The following PPP2R2B variants were observed in gnomAD, a reference collection of about 807,000 sequenced individuals.
PPP2R2B encodes serine/threonine-protein phosphatase 2A 55 kDa regulatory subunit B beta isoform.
A neutral mutation model predicts 46.0 loss-of-function variants in PPP2R2B; 5 were observed. That is an observed-to-expected ratio of 0.11 (90% CI 0.06 to 0.23). The LOEUF (loss-of-function observed/expected upper bound fraction) is 0.23. Among genes scored for constraint, PPP2R2B ranks in the 10% least tolerant of loss-of-function variants. The pLI is 1.00. For missense variants in PPP2R2B, 367 were observed against 575.0 expected, an observed-to-expected ratio of 0.64 and a Z score of 3.70; for synonymous variants, 215 against 206.7, an observed-to-expected ratio of 1.04 and a Z score of -0.34.
intron 5 of PPP2R2B, among the ~76,000 whole-genome samples, chr5:146,673,113 G>T (rs919029333): frequency 3.3e-5 from 5 of 152,160 alleles, no homozygotes; most frequent in Admixed American, 2.0e-4. Context: ...CTGAGTTATG[G>T]TTTTTTCCTT....
chr5:146,765,444 C>T (rs1018914174), intron 2 of PPP2R2B, among the ~76,000 whole-genome samples: 1 of 152,156 alleles, frequency 6.6e-6, no homozygotes, highest in Non-Finnish European at 1.5e-5. Context: ...GTTAAGCCTG[C>T]ATTTGAAGAA....
Position 146,812,791 on chromosome 5 carries a change from GTGTA to G in PPP2R2B, c.70+65207_70+65210del, listed in dbSNP as rs1276887514. 7.5e-3 allele frequency among the ~76,000 whole-genome samples: 75 copies of G among 9,946 alleles called. 13 individuals carry two copies. Among genetic ancestry groups the G allele is most frequent in the African/African-American group, 0.028 (74 of 2,656 alleles). 6.5% of individuals were successfully genotyped at this position (9,946 alleles called of 152,430 possible). A position where few individuals can be genotyped will look rare whatever the true frequency, so the allele number is the denominator to read the frequency against. ...TTAATGTGTGTGTGTGTGTATATGT[GTGTA>G]TATATATATATATATATATATATAT... On this transcript the variant is annotated intron_variant, in intron 2 of 9. Coordinates refer to ENST00000394411, the MANE Select transcript of PPP2R2B (RefSeq NM_181675.4).
chr5:146,800,417 C>T (rs1238122356), intron 2 of PPP2R2B, among the ~76,000 whole-genome samples: 1 of 152,034 alleles, frequency 6.6e-6, no homozygotes, highest in Non-Finnish European at 1.5e-5. Flanking sequence ...TCCTCAAGAC[C>T]CTTCTTCTTG....
chr5:147,035,052 T>C, intron 1 of PPP2R2B: 2 of 453,332 alleles, frequency 4.4e-6, no homozygotes, highest in African/African-American at 4.0e-5. Context: ...ATCTCTGAAC[T>C]CAGCTCATTT....
Position 146,661,866 on chromosome 5 carries a change from C to T in PPP2R2B, c.448-11142G>A, listed in dbSNP as rs575491173. Among the ~76,000 whole-genome samples the T allele has an allele frequency of 3.3e-3, 506 of 152,186 alleles. 2 individuals carry two copies. The highest frequency in any genetic ancestry group is 4.5e-3 in the Non-Finnish European group (305 of 68,010). ...TCCTGTTATTTCCTTTGATGTTTTA[C>T]ATTGTGTAATGCCACAAGAAAAAAA... On this transcript the variant is annotated intron_variant, in intron 5 of 9. Coordinates refer to ENST00000394411, the MANE Select transcript of PPP2R2B (RefSeq NM_181675.4).
Position 146,890,041 on chromosome 5 carries a change from A to G in PPP2R2B, c.79+165624T>C, listed in dbSNP as rs141676115. Among the ~76,000 whole-genome samples the G allele has an allele frequency of 1.4e-3, 209 of 152,296 alleles. 1 individual carries two copies. Among genetic ancestry groups the G allele is most frequent in the Non-Finnish European group, 2.6e-3 (176 of 68,016 alleles). On this transcript the variant is annotated intron_variant, in intron 1 of 8. Transcript: ENST00000336640. ...CCATGATCACATCCGCACACACACA[A>G]TGGCTCTTCTTAACTTTTGTTTTGC...
chr5:146,625,743 C>T (rs1436090733), intron 7 of PPP2R2B, among the ~76,000 whole-genome samples: 4 of 152,128 alleles, frequency 2.6e-5, no homozygotes, highest in African/African-American at 9.7e-5. Flanking sequence ...GAATATCTTA[C>T]CTTACATGGC....
In PPP2R2B at chr5:146,730,918, G is replaced by A. The variant is rs531292229; in HGVS notation, c.71-29776C>T. Among the ~76,000 whole-genome samples the A allele has an allele frequency of 2.2e-3, 331 of 152,296 alleles. 1 individual carries two copies. The highest frequency in any genetic ancestry group is 7.3e-3 in the African/African-American group (304 of 41,550). On this transcript the variant is annotated intron_variant, in intron 2 of 9. Coordinates refer to ENST00000394411, the MANE Select transcript of PPP2R2B (RefSeq NM_181675.4). ...ATGAGGAGTCTGACCAGGAAATGTAGCCAAAAGATATTCTCTGCATTCCAA... is the reference window on the plus strand; with the variant it reads ...ATGAGGAGTCTGACCAGGAAATGTAACCAAAAGATATTCTCTGCATTCCAA...
intron 2 of PPP2R2B, among the ~76,000 whole-genome samples, chr5:146,832,737 G>A (rs1561943038): frequency 6.6e-6 from 1 of 151,928 alleles, no homozygotes; most frequent in Non-Finnish European, 1.5e-5. Context: ...TTTCTATGTT[G>A]AGATACACAA....
At position 147,009,319 on chromosome 5, in the gene PPP2R2B, T is replaced by C. The variant is rs373632437; in HGVS notation, c.79+46346A>G. Reference sequence around the variant, plus strand: ...GCTTCACATTATTTTCCTAATTTTATTTACTTTTTAGTCTCACCTCTATTT... The same window carrying C: ...GCTTCACATTATTTTCCTAATTTTACTTACTTTTTAGTCTCACCTCTATTT... On this transcript the variant is annotated intron_variant, in intron 1 of 8. Coordinates refer to the PPP2R2B transcript ENST00000336640. Among the ~76,000 whole-genome samples, 13 of 152,276 alleles carry C rather than the reference T, an allele frequency of 8.5e-5. No individual in the cohort carries two copies. The East Asian group carries it at 1.5e-3, about 18-fold the overall frequency.
intron 2 of PPP2R2B, among the ~76,000 whole-genome samples, chr5:146,734,663 T>C (rs535085171): frequency 6.6e-6 from 1 of 152,238 alleles, no homozygotes; most frequent in Admixed American, 6.5e-5. Context: ...CTGTCTGTCC[T>C]CGTGAGACTG....
intron 2 of PPP2R2B, among the ~76,000 whole-genome samples, chr5:146,867,417 T>G (rs995876415): frequency 6.6e-6 from 1 of 152,246 alleles, no homozygotes; most frequent in Non-Finnish European, 1.5e-5. Flanking sequence ...GTATGTTATT[T>G]TTTATGACTC....
chr5:147,015,925 T>C (rs1054899476), intron 1 of PPP2R2B, among the ~76,000 whole-genome samples: 2 of 151,480 alleles, frequency 1.3e-5, no homozygotes, highest in African/African-American at 4.8e-5. Context: ...TACGAGTATA[T>C]TATTTCCTGT....
At chr5:146,630,625 G>A (rs1367776571) in intron 7 of PPP2R2B, among the ~76,000 whole-genome samples, 1 of 152,122 alleles carries the variant, frequency 6.6e-6, no homozygotes, top group Non-Finnish European at 1.5e-5. Context: ...GATTAAATGA[G>A]CTCATGCATG....
rs184757480 is a variant in PPP2R2B, at chr5:147,001,283, G to A, written c.79+54382C>T. 2.1e-4 allele frequency among the ~76,000 whole-genome samples: 32 copies of A among 152,268 alleles called. 2 individuals are homozygous for A. The East Asian group carries it at 6.2e-3, about 29-fold the overall frequency. The stretch of plus-strand genomic sequence containing the variant: ...GCTCTTCACAATAAATCTTGCTGCT[G>A]CTCACTCTTTGGGTCCGCACTACCT... On this transcript the variant is annotated intron_variant, in intron 1 of 8. Coordinates refer to the PPP2R2B transcript ENST00000336640.
At chr5:147,072,070 G>A (rs1054816789) in intron 2 of PPP2R2B, among the ~76,000 whole-genome samples, 16 of 152,104 alleles carry the variant, frequency 1.1e-4, no homozygotes, top group African/African-American at 1.9e-4. Flanking sequence ...AAAAATTTCT[G>A]GTGTAGGATT....
intron 5 of PPP2R2B, among the ~76,000 whole-genome samples, chr5:146,660,349 A>G (rs1250439235): frequency 6.6e-6 from 1 of 152,226 alleles, no homozygotes; most frequent in African/African-American, 2.4e-5. Context: ...AAACGTGAAA[A>G]GAAGCATTTA....
intron 2 of PPP2R2B, among the ~76,000 whole-genome samples, chr5:146,837,174 G>T (rs1196257671): frequency 1.3e-5 from 2 of 152,132 alleles, no homozygotes; most frequent in African/African-American, 2.4e-5. Flanking sequence ...GTATCCACAC[G>T]ATCATTGTTT....
intron 2 of PPP2R2B, among the ~76,000 whole-genome samples, chr5:146,871,671 C>T (rs763208513): frequency 1.3e-5 from 2 of 152,116 alleles, no homozygotes; most frequent in Non-Finnish European, 1.5e-5. Flanking sequence ...ACCGACCAGG[C>T]GCCAATGGGA....
Sources: gnomAD v4.1 joint callset for allele counts (sites outside exome capture counted in the v4.1 genomes callset) on GRCh38, gnomAD v4.1.1 for gene constraint, MANE v1.5 for transcripts, NCBI Gene and HGNC (gene_info 2026-07-23, HGNC 2026-07-21) for gene names.